The following FAM200A variants were observed in gnomAD, a reference collection of about 807,000 sequenced individuals.
FAM200A encodes the protein ZBED8 like.
FAM200A carries 26 observed loss-of-function variants against 44.2 expected under a neutral mutation model. The ratio of observed to expected loss-of-function variants is 0.59; its 90% CI spans 0.43 to 0.82. The LOEUF (loss-of-function observed/expected upper bound fraction) is 0.82, where lower values mean the gene tolerates loss of function less well. Ranked by LOEUF, FAM200A falls within the 40% of genes least tolerant of loss-of-function variation. The pLI, the probability that FAM200A is intolerant of heterozygous loss-of-function variation, is 0.00. For missense variants in FAM200A, 606 were observed against 669.5 expected, an observed-to-expected ratio of 0.91 and a Z score of 1.05; for synonymous variants, 206 against 244.4, an observed-to-expected ratio of 0.84 and a Z score of 1.47.
At chr7:99,548,570 T>C (rs1802446347) in intron 1 of FAM200A, 64 bp from the exon 2 acceptor site, 22 of 1,306,272 alleles carry the variant, frequency 1.7e-5, no homozygotes, top group Non-Finnish European at 2.3e-5. Flanking sequence ...GGCTAACAAC[T>C]CATACAAAAC....
chr7:99,547,176 A>T lies in FAM200A; in HGVS notation c.1232T>A (p.Ile411Asn), dbSNP rs1409799016. 6.5e-7 allele frequency: 1 copy of T among 1,548,130 alleles called. No homozygotes were observed. Among genetic ancestry groups the T allele is most frequent in the South Asian group, 1.2e-5 (1 of 82,668 alleles). The change falls in exon 2 of 2, where the codon ATT (isoleucine) becomes AAT (asparagine). Residue 411 changes from isoleucine to asparagine, a missense_variant. Transcript: ENST00000449309. ...TATTTCTTTTAAGCAGTCTTCATTA[A>T]TAATGTTCTCTTCGATGTGTTGCAA... ...TLLQHIEENI[I>N]NEDCLKEIKL...
chr7:99,546,884 C>T lies in FAM200A; in HGVS notation c.1524G>A (p.Leu508=). The change falls in exon 2 of 2, where the codon CTG becomes CTA. Residue 508 remains leucine, a synonymous_variant. Coordinates refer to ENST00000449309, the MANE Select transcript of FAM200A (RefSeq NM_145111.4). ...ACAGCAATATACTCTTCCTACTTAG[C>T]AGTGGAAAGTCATCTTTAATCTTAA... ...FWIKIKDDFP[L]LSRKSILLLL... The T allele has an allele frequency of 6.5e-7, 1 of 1,549,972 alleles. No individual in the cohort carries two copies. The highest frequency in any genetic ancestry group is 8.7e-7 in the Non-Finnish European group (1 of 1,146,514).
rs1562924988 is a variant in FAM200A at position 99,547,636 on chromosome 7, T to C, written c.772A>G (p.Met258Val). 7 of 1,551,290 alleles carry C rather than the reference T, an allele frequency of 4.5e-6. No homozygotes were observed. Among genetic ancestry groups the C allele is most frequent in the Non-Finnish European group, 6.1e-6 (7 of 1,146,928 alleles). ...TTCACTGCATTTTTCAATACATCCA[T>C]CAGACTTGGTGAAATTTCTTTGGAT... ...LVSKEISPSL[M>V]DVLKNAVKTV... Residue 258 changes from methionine to valine, a missense_variant, in exon 2 of 2, where the codon ATG (methionine) becomes GTG (valine). Coordinates refer to ENST00000449309, the MANE Select transcript of FAM200A (RefSeq NM_145111.4).
At chr7:99,554,277 G>A (rs987087529), upstream of FAM200A, among the ~76,000 whole-genome samples, 3 of 152,018 alleles carry the variant, frequency 2.0e-5, no homozygotes, top group African/African-American at 4.8e-5. Flanking sequence ...TCAGGAGTTC[G>A]AGACCAGCCT....
At chr7:99,550,862 G>A (rs895015278) in intron 1 of FAM200A, among the ~76,000 whole-genome samples, 4 of 152,078 alleles carry the variant, frequency 2.6e-5, no homozygotes, top group Admixed American at 2.0e-4. Context: ...ATCACCTGAG[G>A]TCAGGAGTTC....
At chr7:99,558,415 A>T (rs922495125) in exon 1 of FAM200A, 2 of 152,184 alleles carry the variant, frequency 1.3e-5, no homozygotes, top group African/African-American at 4.8e-5. Flanking sequence ...TAACGGCTAG[A>T]GACGCCCAGT....
upstream of FAM200A, among the ~76,000 whole-genome samples, chr7:99,553,095 ATATAT>A (rs1477574815): frequency 1.2e-3 from 106 of 88,862 alleles, 1 homozygote; most frequent in African/African-American, 6.9e-3. Context: ...ATATATATAT[ATATAT>A]TTTTTTTTTT....
chr7:99,546,969 A>G lies in FAM200A; in HGVS notation c.1439T>C (p.Leu480Pro). The stretch of plus-strand genomic sequence containing the variant: ...ATTCTTTAGTGTGAATGATGAACTG[A>G]GCTGCAATAATTCATTCTCTTCTTC... ...EPEEENELLQ[L>P]SSSFTLKNYY... Residue 480 changes from leucine (L) to proline (P), a missense_variant, in exon 2 of 2, where the codon CTC becomes CCC. Physicochemically the swap from Leu to Pro is moderately conservative, Grantham distance 98. Coordinates refer to ENST00000449309, the MANE Select transcript of FAM200A (RefSeq NM_145111.4). 6.5e-7 allele frequency: 1 copy of G among 1,550,356 alleles called. No individual in the cohort carries two copies. Among genetic ancestry groups the G allele is most frequent in the Non-Finnish European group, 8.7e-7 (1 of 1,146,790 alleles).
rs746318066 is a variant in FAM200A at position 99,548,258 on chromosome 7, G to A, written c.150C>T (p.Leu50=). 3 of 1,613,596 alleles carry A rather than the reference G, an allele frequency of 1.9e-6. No individual in the cohort carries two copies. The highest frequency in any genetic ancestry group is 1.3e-5 in the African/African-American group (1 of 75,058). Residue 50 remains leucine, a synonymous_variant, in exon 2 of 2, where the codon CTC becomes CTT. Transcript: ENST00000449309. ...TCTCATTCATAGTTGTAGAGCGACT[G>A]AGAACTTGTGGCGATGACTCTACTT... is the stretch of plus-strand genomic sequence containing the variant. ...RNKVESSPQV[L]SRSTTMNERA... is the part of the protein sequence containing the mutation.
chr7:99,547,222 A>T lies in FAM200A; in HGVS notation c.1186T>A (p.Tyr396Asn). The change falls in exon 2 of 2, where the codon TAC (tyrosine) becomes AAC (asparagine). Residue 396 changes from tyrosine to asparagine, a missense_variant. By Grantham distance (143) the Tyr-to-Asn change is moderately radical (BLOSUM62 -2). Coordinates refer to ENST00000449309, the MANE Select transcript of FAM200A (RefSeq NM_145111.4). The stretch of plus-strand genomic sequence containing the variant: ...TGCAATAATGTTGGAAACATATAGT[A>T]GCTAGGGCGGTTACTTTTAAGTCTT... Reference protein sequence around the residue: ...QARLKSNRPSYYMFPTLLQHI... With the variant: ...QARLKSNRPSNYMFPTLLQHI... 1 of 1,551,246 alleles carries T rather than the reference A, an allele frequency of 6.4e-7. No homozygotes were observed. Among genetic ancestry groups the T allele is most frequent in the South Asian group, 1.2e-5 (1 of 83,868 alleles).
chr7:99,553,070 C>CACATATAT (rs1262148562), upstream of FAM200A, among the ~76,000 whole-genome samples: 63 of 74,034 alleles, frequency 8.5e-4, no homozygotes, highest in Non-Finnish European at 9.9e-4. Flanking sequence ...TATACACACA[C>CACATATAT]ATATATATAT....
Position 99,547,359 on chromosome 7 carries a change from A to C in FAM200A, c.1049T>G (p.Ile350Ser). Reference sequence around the variant, plus strand: ...GCTTAATTCATTAAGAATGCCAAAAATATCACTTAAATATGCCAATTTTGT... The same window carrying C: ...GCTTAATTCATTAAGAATGCCAAAACTATCACTTAAATATGCCAATTTTGT... Reference protein sequence around the residue: ...WVTKLAYLSDIFGILNELSLK... With the variant: ...WVTKLAYLSDSFGILNELSLK... The change falls in exon 2 of 2, where the codon ATT (isoleucine) becomes AGT (serine). Residue 350 changes from isoleucine to serine, a missense_variant. Transcript: ENST00000449309. 6.5e-7 allele frequency: 1 copy of C among 1,549,710 alleles called. No homozygotes were observed.
upstream of FAM200A, among the ~76,000 whole-genome samples, chr7:99,554,703 C>G (rs531443583): frequency 8.5e-5 from 13 of 152,090 alleles, no homozygotes; most frequent in Admixed American, 7.9e-4. Flanking sequence ...ACCAAATGTA[C>G]CATTGCTCAC....
chr7:99,554,198 T>C (rs375654098), upstream of FAM200A, among the ~76,000 whole-genome samples: 18 of 152,232 alleles, frequency 1.2e-4, no homozygotes, highest in African/African-American at 4.3e-4. Context: ...TAGACCATAT[T>C]GGCCGGGCAC....
intron 1 of FAM200A, among the ~76,000 whole-genome samples, chr7:99,549,714 C>A (rs183335484): frequency 8.5e-5 from 13 of 152,272 alleles, no homozygotes; most frequent in Middle Eastern, 3.4e-3. Flanking sequence ...GAATACTATG[C>A]AGCCATAAAA....
upstream of FAM200A, among the ~76,000 whole-genome samples, chr7:99,554,897 G>C (rs889266230): frequency 6.6e-6 from 1 of 152,206 alleles, no homozygotes; most frequent in Admixed American, 6.5e-5. Flanking sequence ...ATAGGAGTAA[G>C]TTTATGGGAG....
rs377296140 is a variant in FAM200A, at chr7:99,547,566, A to G, written c.842T>C (p.Leu281Pro). The G allele has an allele frequency of 6.4e-7, 1 of 1,551,166 alleles. No homozygotes were observed. Among genetic ancestry groups the G allele is most frequent in the East Asian group, 2.4e-5 (1 of 40,908 alleles). Residue 281 changes from leucine to proline, a missense_variant, in exon 2 of 2, where the codon CTC becomes CCC. By Grantham distance (98) the Leu-to-Pro change is moderately conservative. Transcript: ENST00000449309. ...IKGSSLNSRLLEIFCSEIGVN... is the reference protein window; with the variant it reads ...IKGSSLNSRLPEIFCSEIGVN... ...TCCAATCTCTGAACAAAATATTTCG[A>G]GAAGTCGGCTATTCAGTGAGCTTCC...
chr7:99,555,931 A>G (rs1802667433), upstream of FAM200A, among the ~76,000 whole-genome samples: 1 of 152,132 alleles, frequency 6.6e-6, no homozygotes, highest in Non-Finnish European at 1.5e-5. Context: ...TAATAAATAA[A>G]AAGTGGAAGC....
chr7:99,551,398 G>A (rs1253070150), intron 1 of FAM200A, among the ~76,000 whole-genome samples: 2 of 152,040 alleles, frequency 1.3e-5, no homozygotes, highest in Non-Finnish European at 2.9e-5. Context: ...GGTTTCTCTA[G>A]GTTGGCAAGG....
Sources: allele counts gnomAD v4.1 joint callset (sites outside exome capture counted in the v4.1 genomes callset), GRCh38; gene constraint gnomAD v4.1.1; transcripts MANE v1.5; gene names NCBI Gene and HGNC (gene_info 2026-07-23, HGNC 2026-07-21).